HECTD4: variants seen among roughly 807,000 people sequenced by gnomAD.
HECTD4 encodes HECT domain E3 ubiquitin protein ligase 4, also known as probable E3 ubiquitin-protein ligase HECTD4.
HECTD4 carries 114 observed loss-of-function variants against 471.5 expected under a neutral mutation model. The ratio of observed to expected loss-of-function variants is 0.24; its 90% CI spans 0.21 to 0.28. The LOEUF (loss-of-function observed/expected upper bound fraction) is 0.28. Ranked by LOEUF, HECTD4 falls within the 10% of genes least tolerant of loss-of-function variation. The pLI, the probability that HECTD4 is intolerant of heterozygous loss-of-function variation, is 1.00. For synonymous variants in HECTD4, 2,012 were observed against 2,256.0 expected, an observed-to-expected ratio of 0.89 and a Z score of 3.07; for missense variants, 3,866 against 5,651.5, an observed-to-expected ratio of 0.68 and a Z score of 10.13.
At chr12:112,221,750 TTTC>T (rs1466708074) in intron 44 of HECTD4, among the ~76,000 whole-genome samples, 1 of 151,438 alleles carries the variant, frequency 6.6e-6, no homozygotes, top group Non-Finnish European at 1.5e-5. Context: ...TGTTTTTCTT[TTTC>T]TTTTCTTTTT....
In HECTD4 at chr12:112,217,304, CACACACACACACAT is replaced by C. The variant is rs1196309661; in HGVS notation, c.7075-123_7075-110del. On this transcript the variant is annotated intron_variant, in intron 45 of 75. Coordinates refer to ENST00000682272, the MANE Select transcript of HECTD4 (RefSeq NM_001388303.1). ...GATGGTATTAAAATATAGGCATACACACACACACACACATACACACACACACACACATACACACA... is the reference window on the plus strand; with the variant it reads ...GATGGTATTAAAATATAGGCATACACACACACACACACACACATACACACA... The C allele has an allele frequency of 1.9e-4, 111 of 592,284 alleles. No homozygotes were observed. The African/African-American group carries it at 2.1e-3, about 11-fold the overall frequency. The allele number at this position is 592,284 out of a possible 1,614,324, so 36.7% of individuals were successfully genotyped here.
intron 1 of HECTD4, among the ~76,000 whole-genome samples, chr12:112,331,336 G>A (rs1350439315): frequency 6.6e-6 from 1 of 152,212 alleles, no homozygotes; most frequent in African/African-American, 2.4e-5. Context: ...CTCCCAAAGT[G>A]CTGGGATTAC....
chr12:112,317,918 T>C (rs1365321680), intron 2 of HECTD4, among the ~76,000 whole-genome samples: 2 of 129,248 alleles, frequency 1.5e-5, no homozygotes, highest in East Asian at 5.2e-4. Context: ...ATCATGTCAC[T>C]GCACTTCAGC....
chr12:112,219,215 G>A (rs1419603174), intron 45 of HECTD4, among the ~76,000 whole-genome samples, 171 bp downstream of exon 45: 1 of 152,150 alleles, frequency 6.6e-6, no homozygotes, highest in African/African-American at 2.4e-5. Flanking sequence ...AATTTGCTCT[G>A]ACATTCAAAG....
Position 112,209,999 on chromosome 12 carries a change from C to T in HECTD4, c.7867+16G>A. ...CAGGAAGCCATGGAGGCAGTAAGTTCCAGGAGGTGACTTACGTTGCTGAGC... is the reference window on the plus strand; with the variant it reads ...CAGGAAGCCATGGAGGCAGTAAGTTTCAGGAGGTGACTTACGTTGCTGAGC... On this transcript the variant is annotated intron_variant, in intron 50 of 75. Transcript: ENST00000682272. 6.3e-7 allele frequency: 1 copy of T among 1,592,900 alleles called. No individual in the cohort carries two copies. The highest frequency in any genetic ancestry group is 8.6e-7 in the Non-Finnish European group (1 of 1,164,360).
chr12:112,215,306 C>T (rs1437689876), intron 48 of HECTD4, among the ~76,000 whole-genome samples: 1 of 152,188 alleles, frequency 6.6e-6, no homozygotes, highest in Non-Finnish European at 1.5e-5. Flanking sequence ...ACTTCATATT[C>T]CCCATCTCAT....
In HECTD4 at chr12:112,163,283, G is replaced by A. The variant is rs1426747105; in HGVS notation, c.12898-19C>T. 2 of 1,596,030 alleles carry A rather than the reference G, an allele frequency of 1.3e-6. No homozygotes were observed. Among genetic ancestry groups the A allele is most frequent in the Non-Finnish European group, 1.7e-6 (2 of 1,167,954 alleles). ...TGTGGGCCTGGGGAGGAGAGGTCCA[G>A]GTGTCAGGAGCCCTGGAGCCCCACC... is the stretch of plus-strand genomic sequence containing the variant. On this transcript the variant is annotated intron_variant, in intron 74 of 75. Transcript: ENST00000682272. This position sits in a 1 kb window ranked among gnomAD's most constrained non-coding sequence, Gnocchi z 8.2.
chr12:112,279,159 A>T (rs1353836476), intron 9 of HECTD4, 69 bp downstream of exon 9: 15 of 1,365,910 alleles, frequency 1.1e-5, no homozygotes, highest in Non-Finnish European at 1.5e-5. Flanking sequence ...TTAAATAATT[A>T]ATAGGAAAGC....
rs1183472420 is a variant in HECTD4, at chr12:112,352,335, CT to C, written c.177+29616del. 6.2e-3 allele frequency among the ~76,000 whole-genome samples: 853 copies of C among 136,614 alleles called. 1 individual carries two copies. Among genetic ancestry groups the C allele is most frequent in the African/African-American group, 0.012 (438 of 37,606 alleles). 89.6% of individuals were successfully genotyped at this position (136,614 alleles called of 152,430 possible). ...CTTAGAATATCTGTGGATGGAGCAT[CT>C]TTTTTTTTTTTTTTTTGAGACAGAG... On this transcript the variant is annotated intron_variant, in intron 1 of 75. Transcript: ENST00000682272.
chr12:112,317,861 T>C (rs1324016488), intron 2 of HECTD4, among the ~76,000 whole-genome samples: 1 of 144,494 alleles, frequency 6.9e-6, no homozygotes, highest in Non-Finnish European at 1.5e-5. Flanking sequence ...GTGCCTGTAG[T>C]CCCAGCTACT....
At chr12:112,216,979 G>A in intron 46 of HECTD4, 55 bp downstream of exon 46, 1 of 1,595,562 alleles carries the variant, frequency 6.3e-7, no homozygotes, top group African/African-American at 1.3e-5. Context: ...CCTGAGACCT[G>A]CTTTTTCTTT....
intron 45 of HECTD4, 101 bp from the exon 46 acceptor site, chr12:112,217,296 G>T: frequency 2.6e-6 from 2 of 760,548 alleles, no homozygotes; most frequent in Non-Finnish European, 2.0e-6. Flanking sequence ...TTAAAATATA[G>T]GCATACACAC....
intron 1 of HECTD4, among the ~76,000 whole-genome samples, chr12:112,325,530 A>G (rs1275015745): frequency 6.6e-6 from 1 of 152,226 alleles, no homozygotes; most frequent in African/African-American, 2.4e-5. Context: ...GCTATGGCAT[A>G]TCTATTCTGG....
intron 39 of HECTD4, 69 bp downstream of exon 39, chr12:112,231,444 C>T: frequency 6.8e-7 from 1 of 1,480,554 alleles, no homozygotes; most frequent in Non-Finnish European, 9.4e-7. Flanking sequence ...AATTAAAAAG[C>T]TAAAAACAAA....
At chr12:112,313,355 C>A (rs1762589754) in intron 3 of HECTD4, among the ~76,000 whole-genome samples, 1 of 151,528 alleles carries the variant, frequency 6.6e-6, no homozygotes, top group Admixed American at 6.6e-5. Flanking sequence ...CGCTCTGTCA[C>A]CCAGGCTGGA....
At chr12:112,292,373 T>A (rs1376873820) in intron 7 of HECTD4, among the ~76,000 whole-genome samples, 5 of 152,192 alleles carry the variant, frequency 3.3e-5, no homozygotes, top group Non-Finnish European at 5.9e-5. Context: ...CCTAGAATAG[T>A]CCCACACCAA....
chr12:112,242,516 G>A (rs2033662788), intron 32 of HECTD4, among the ~76,000 whole-genome samples: 3 of 151,908 alleles, frequency 2.0e-5, no homozygotes, highest in Admixed American at 2.0e-4. Context: ...GGGAGGCTGA[G>A]GTGGGAAGAT....
chr12:112,370,304 A>C (rs1376611722), intron 1 of HECTD4, among the ~76,000 whole-genome samples: 3 of 152,170 alleles, frequency 2.0e-5, no homozygotes, highest in Non-Finnish European at 2.9e-5. Context: ...GCCCAGTGAG[A>C]CTCATTTCAA....
At chr12:112,321,872 G>A (rs536449305) in intron 1 of HECTD4, 1 of 151,160 alleles carries the variant, frequency 6.6e-6, no homozygotes, top group African/African-American at 2.4e-5. Context: ...AAAGGAGAAA[G>A]AACTTATAAT....
Sources: gnomAD v4.1 joint callset for allele counts (sites outside exome capture counted in the v4.1 genomes callset) on GRCh38, gnomAD v4.1.1 for gene constraint, Gnocchi (gnomAD v3.1) non-coding constraint, MANE v1.5 for transcripts, NCBI Gene and HGNC (gene_info 2026-07-23, HGNC 2026-07-21) for gene names.